The following MUC6 variants were observed in gnomAD, a reference collection of about 807,000 sequenced individuals.
The protein encoded by MUC6 is mucin 6, oligomeric mucus/gel-forming (gene/pseudogene), also known as mucin-6.
A neutral mutation model predicts 201.5 loss-of-function variants in MUC6; 188 were observed. The observed-to-expected ratio is 0.93, with a 90% confidence interval of 0.83 to 1.05. The LOEUF is 1.05. Among genes scored for constraint, MUC6 ranks in the 50% least tolerant of loss-of-function variants. The pLI is 0.00. For missense variants in MUC6, 2,706 were observed against 3,256.9 expected (o/e 0.83, Z 4.12); for synonymous variants, 1,228 against 1,389.4 (o/e 0.88, Z 2.58).
chr11:1,032,864 TG>T lies in MUC6; in HGVS notation c.115+148del, dbSNP rs1280620444. 4.2e-5 allele frequency: 26 copies of T among 617,340 alleles called. No homozygotes were observed. The East Asian group carries it at 6.9e-4, about 16-fold the overall frequency. 38.2% of individuals were successfully genotyped at this position (617,340 alleles called of 1,614,324 possible). The stretch of plus-strand genomic sequence containing the variant: ...GTGTATATTGGGTATGTGTGTGTGT[TG>T]GGTGTATGTGCATGTGTGTTCATGT... On this transcript the variant is annotated intron_variant, in intron 2 of 32. Transcript: ENST00000421673.
intron 3 of MUC6, 32 bp downstream of exon 3, chr11:1,031,781 C>T (rs769895181): frequency 1.5e-5 from 23 of 1,559,140 alleles, no homozygotes; most frequent in Admixed American, 3.8e-5. Context: ...CTCCGGCCCC[C>T]GAGCCCCCGG....
rs1418712422 is a variant in MUC6 at position 1,020,715 on chromosome 11, C to G, written c.3609G>C (p.Gln1203His). 6.2e-7 allele frequency: 1 copy of G among 1,613,398 alleles called. No homozygotes were observed. Among genetic ancestry groups the G allele is most frequent in the Admixed American group, 1.7e-5 (1 of 60,016 alleles). The change falls in exon 28 of 33, where the codon CAG becomes CAC. Residue 1203 changes from glutamine (Q) to histidine (H), a missense_variant. By Grantham distance (24) the Gln-to-His change is conservative (BLOSUM62 0). Coordinates refer to ENST00000421673, the MANE Select transcript of MUC6 (RefSeq NM_005961.3). ...CVPCMPPTTPQPPTTPQLPTT... is the reference protein window; with the variant it reads ...CVPCMPPTTPHPPTTPQLPTT... The stretch of plus-strand genomic sequence containing the variant: ...TGGGCAGCTGCGGCGTGGTGGGTGG[C>G]TGCGGCGTGGTGGGCGGCACTGCAA...
chr11:1,024,818 G>A (rs375869731), intron 24 of MUC6, 26 bp downstream of exon 24: 160 of 1,596,056 alleles, frequency 1.0e-4, no homozygotes, highest in Middle Eastern at 8.3e-4. Flanking sequence ...AGGGGCAGGC[G>A]CACAGCCCTC....
chr11:1,018,403 G>A lies in MUC6; in HGVS notation c.4398C>T (p.Thr1466=), dbSNP rs1401545045. The change falls in exon 31 of 33, where the codon ACC becomes ACT. Residue 1466 remains threonine, a synonymous_variant. Transcript: ENST00000421673. ...AGGCAGATGTGGCCATCTGTGCGTG[G>A]GTAGGGGTGATGACTGTGTGAGTAC... ...TPSTHTVITP[T]HAQMATSASN... 1.2e-6 allele frequency: 2 copies of A among 1,613,954 alleles called. No homozygotes were observed. The highest frequency in any genetic ancestry group is 2.7e-5 in the African/African-American group (2 of 74,960).
At position 1,016,483 on chromosome 11, in the gene MUC6, A is replaced by G. The variant is rs1252233834; in HGVS notation, c.6318T>C (p.Pro2106=). The G allele has an allele frequency of 6.2e-7, 1 of 1,612,246 alleles. No individual in the cohort carries two copies. The highest frequency in any genetic ancestry group is 2.2e-5 in the East Asian group (1 of 44,812). The change falls in exon 31 of 33, where the codon CCT becomes CCC. Residue 2106 remains proline (P), a synonymous_variant. Transcript: ENST00000421673. ...TCAAGTGGGGGAGTTGTGTGGTGAT[A>G]GGTGATGACGGTGGCCTTGAGCTAG... ...QNSSSRPPSS[P]ITTQLPHLSS...
intron 20 of MUC6, 51 bp downstream of exon 20, chr11:1,026,276 C>T: frequency 6.5e-7 from 1 of 1,548,192 alleles, no homozygotes; most frequent in East Asian, 2.3e-5. Context: ...CCTCCGCCTG[C>T]CCCAGATGGC....
rs755584547 is a variant in MUC6 at position 1,019,355 on chromosome 11, G to T, written c.3950C>A (p.Thr1317Lys). The change falls in exon 30 of 33, where the codon ACG (threonine) becomes AAG (lysine). Residue 1317 changes from threonine (T) to lysine (K), a missense_variant. By Grantham distance (78) the Thr-to-Lys change is moderately conservative (BLOSUM62 -1). Around this residue, in one of 10 missense-constraint regions of MUC6, gnomAD observed 1,850 missense variants for 1,958.3 expected, o/e 0.94. Transcript: ENST00000421673. ...RATASTASPA[T>K]TSTAQSTTRT... ...TGTTGTGGACTGAGCTGTGGACGTC[G>T]TGGCTGGGCTGGCGGTCGACGCCGT... 1.8e-5 allele frequency: 29 copies of T among 1,613,746 alleles called. No individual in the cohort carries two copies. The highest frequency in any genetic ancestry group is 2.4e-5 in the Non-Finnish European group (28 of 1,179,778).
rs1857146228 is a variant in MUC6 at position 1,033,045 on chromosome 11, C to T, written c.83G>A (p.Gly28Asp). Residue 28 changes from glycine to aspartate, a missense_variant, in exon 2 of 33, where the codon GGC becomes GAC. Physicochemically the swap from Gly to Asp is moderately conservative, Grantham distance 94. Coordinates refer to ENST00000421673, the MANE Select transcript of MUC6 (RefSeq NM_005961.3). The surrounding 1 kb of genome is among the most constrained non-coding windows in gnomAD (Gnocchi z 5.6). ...TGGAGAGTCCTTCAGCCTCTGGAGG[C>T]CTGGGCTGGTGTAGGAGGTGTTAGC... The part of the protein sequence containing the change: ...GLANTSYTSP[G>D]LQRLKDSPQT... 1.9e-6 allele frequency: 3 copies of T among 1,609,126 alleles called. No individual in the cohort carries two copies. Among genetic ancestry groups the T allele is most frequent in the Non-Finnish European group, 2.6e-6 (3 of 1,176,144 alleles).
At position 1,025,823 on chromosome 11, in the gene MUC6, G is replaced by A. The variant is rs1271712254; in HGVS notation, c.2781C>T (p.Ala927=). ...CGNSGVTCSR[A]IKIFLGGLSV... The stretch of plus-strand genomic sequence containing the variant: ...TGCTCACCCCCAGGAAGATCTTGAT[G>A]GCCCGTGAGCATGTGACCCCGGAGT... The change falls in exon 22 of 33, where the codon GCC becomes GCT. Residue 927 remains alanine (A), a synonymous_variant. Coordinates refer to ENST00000421673, the MANE Select transcript of MUC6 (RefSeq NM_005961.3). 1.2e-6 allele frequency: 2 copies of A among 1,612,512 alleles called. No individual in the cohort carries two copies. The highest frequency in any genetic ancestry group is 2.2e-5 in the East Asian group (1 of 44,858).
chr11:1,020,359 G>A (rs886428216), intron 28 of MUC6, 102 bp from the exon 29 acceptor site: 16 of 1,426,948 alleles, frequency 1.1e-5, no homozygotes, highest in Non-Finnish European at 1.5e-5. Context: ...CAGCCCTGCA[G>A]GGGCCAATGA....
intron 4 of MUC6, 120 bp downstream of exon 4, chr11:1,031,487 C>T: frequency 6.9e-7 from 1 of 1,452,280 alleles, no homozygotes. Flanking sequence ...GCACGAAGGG[C>T]CTGGCTGCAT....
At chr11:1,023,028 G>A (rs1343880358) in intron 26 of MUC6, among the ~76,000 whole-genome samples, 1 of 150,012 alleles carries the variant, frequency 6.7e-6, no homozygotes, top group Non-Finnish European at 1.5e-5. Context: ...GAATGTGAAT[G>A]TGTTGAGTGA....
rs377701752 is a variant in MUC6 at position 1,025,253 on chromosome 11, C to G, written c.2914G>C (p.Gly972Arg). 2.5e-6 allele frequency: 4 copies of G among 1,612,810 alleles called. No individual in the cohort carries two copies. The South Asian group carries it at 4.4e-5, about 18-fold the overall frequency. Residue 972 changes from glycine (G) to arginine (R), a missense_variant, in exon 23 of 33, where the codon GGG (glycine) becomes CGG (arginine). Gly to Arg is a moderately radical substitution (Grantham distance 125, BLOSUM62 -2). Coordinates refer to ENST00000421673, the MANE Select transcript of MUC6 (RefSeq NM_005961.3). The stretch of plus-strand genomic sequence containing the variant: ...CAGATGAGCGTCAGGTTGTACCTCC[C>G]GGGGATGCTGATGTCCACGACAAGG... ...LSLVVDISIP[G>R]RYNLTLIWNR...
At chr11:1,025,410 C>G in intron 22 of MUC6, 43 bp from the exon 23 acceptor site, 1 of 1,582,556 alleles carries the variant, frequency 6.3e-7, no homozygotes. Flanking sequence ...CTGTCTCCCC[C>G]GGCCCCTGGC....
intron 23 of MUC6, 32 bp from the exon 24 acceptor site, chr11:1,025,115 G>T (rs1564840292): frequency 6.2e-7 from 1 of 1,612,244 alleles, no homozygotes; most frequent in Admixed American, 1.7e-5. Flanking sequence ...CGGGCCCAGG[G>T]GCCGTGCCAT....
chr11:1,019,073 T>C (rs1856749785), intron 30 of MUC6, among the ~76,000 whole-genome samples: 1 of 152,214 alleles, frequency 6.6e-6, no homozygotes, highest in African/African-American at 2.4e-5. Context: ...CCCACCCTCC[T>C]GCACCTCTGC....
chr11:1,020,846 G>GGGGACTGGA (rs1306444794), intron 27 of MUC6, 112 bp from the exon 28 acceptor site: 13 of 1,335,622 alleles, frequency 9.7e-6, no homozygotes, highest in Non-Finnish European at 1.3e-5. Flanking sequence ...CTGTGGTGGA[G>GGGGACTGGA]GGGACTGGAG....
rs1459913413 is a variant in MUC6 at position 1,018,592 on chromosome 11, T to C, written c.4209A>G (p.Pro1403=). The C allele has an allele frequency of 2.5e-6, 4 of 1,612,568 alleles. No individual in the cohort carries two copies. Among genetic ancestry groups the C allele is most frequent in the Non-Finnish European group, 3.4e-6 (4 of 1,179,486 alleles). ...CCGTAGGCGGGGAGTGTGTGGTGTG[T>C]GGGGTTTGGGGCGTTGTGTATTCAG... is the stretch of plus-strand genomic sequence containing the variant. ...TTTEYTTPQT[P]HTTHSPPTAG... The change falls in exon 31 of 33, where the codon CCA becomes CCG. Residue 1403 remains proline, a synonymous_variant. Coordinates refer to ENST00000421673, the MANE Select transcript of MUC6 (RefSeq NM_005961.3).
At chr11:1,032,566 T>A (rs1159337258) in intron 2 of MUC6, among the ~76,000 whole-genome samples, 1 of 150,492 alleles carries the variant, frequency 6.6e-6, no homozygotes, top group African/African-American at 2.5e-5. Context: ...ATAGGGTGCA[T>A]GTGTGTGTAG....
Sources: gnomAD v4.1 joint callset for allele counts (sites outside exome capture counted in the v4.1 genomes callset) on GRCh38, gnomAD v4.1.1 for gene constraint, gnomAD v4.1.1 regional missense constraint, Gnocchi (gnomAD v3.1) non-coding constraint, MANE v1.5 for transcripts, NCBI Gene and HGNC (gene_info 2026-07-23, HGNC 2026-07-21) for gene names.